Variants in DENND4B observed in about 807,000 individuals in gnomAD.
DENND4B encodes the protein DENN domain-containing protein 4B.
A neutral mutation model predicts 161.0 loss-of-function variants in DENND4B; 67 were observed. The ratio of observed to expected loss-of-function variants is 0.42; its 90% confidence interval spans 0.34 to 0.51. DENND4B has a LOEUF of 0.51. DENND4B is among the 20% of genes least tolerant of loss of function. The pLI is 0.08. For synonymous variants in DENND4B, 753 were observed against 813.8 expected (o/e 0.93, Z 1.27); for missense variants, 1,481 against 1,968.0 (o/e 0.75, Z 4.68).
rs1448585774 is a variant in DENND4B, at chr1:153,932,356, T to C, written c.3844A>G (p.Asn1282Asp). The change falls in exon 24 of 28, where the codon AAC becomes GAC. Residue 1282 changes from asparagine to aspartate, a missense_variant. By Grantham distance (23) the Asn-to-Asp change is conservative (BLOSUM62 1). This residue lies in a region of DENND4B where 336 missense variants were observed against 503.3 expected (regional missense o/e 0.67). Coordinates refer to ENST00000361217, the MANE Select transcript of DENND4B (RefSeq NM_014856.3). The surrounding 1 kb of genome is among the most constrained non-coding windows in gnomAD (Gnocchi z 5.8). ...LRKELESLVENEGSEVLALPE... is the reference protein window; with the variant it reads ...LRKELESLVEDEGSEVLALPE... ...AACGCCAGCACCTCACTGCCCTCGT[T>C]CTCTACCAGCGACTCCAGCTCCTTA... 1 of 1,613,892 alleles carries C rather than the reference T, an allele frequency of 6.2e-7. No homozygotes were observed. The highest frequency in any genetic ancestry group is 1.7e-5 in the Admixed American group (1 of 60,010).
chr1:153,941,720 C>T (rs779514593), intron 6 of DENND4B, 149 bp downstream of exon 6: 5 of 1,388,484 alleles, frequency 3.6e-6, no homozygotes, highest in Non-Finnish European at 4.8e-6. Flanking sequence ...GGCGTTTTTA[C>T]AGTGGATAAA....
Position 153,937,900 on chromosome 1 carries a change from G to A in DENND4B, c.1966-37C>T. The A allele has an allele frequency of 6.2e-7, 1 of 1,613,644 alleles. No individual in the cohort carries two copies. The highest frequency in any genetic ancestry group is 1.3e-5 in the African/African-American group (1 of 75,050). ...TTTTAAGAGAGCAAGTGTTGAGATG[G>A]TGGGCATGGAGCAGAGCCAGGGTGT... On this transcript the variant is annotated intron_variant, in intron 13 of 27. Transcript: ENST00000361217. The surrounding 1 kb of genome is among the most constrained non-coding windows in gnomAD (Gnocchi z 4.7).
At position 153,942,977 on chromosome 1, in the gene DENND4B, A is replaced by G. The variant is rs749278733; in HGVS notation, c.471T>C (p.His157=). Residue 157 remains histidine, a synonymous_variant, in exon 3 of 28, where the codon CAT becomes CAC. Transcript: ENST00000361217. The surrounding 1 kb of genome is among the most constrained non-coding windows in gnomAD (Gnocchi z 6.9). ...YRRAAEGAGL[H]ALGITDLCLV... is the part of the protein sequence containing the mutation. ...GGCAGAGGTCAGTGATGCCCAGGGCATGCAGCCCTGCCCCCTCTGCTGCCC... is the reference window on the plus strand; with the variant it reads ...GGCAGAGGTCAGTGATGCCCAGGGCGTGCAGCCCTGCCCCCTCTGCTGCCC... 1 of 1,613,952 alleles carries G rather than the reference A, an allele frequency of 6.2e-7. No individual in the cohort carries two copies. Among genetic ancestry groups the G allele is most frequent in the Non-Finnish European group, 8.5e-7 (1 of 1,179,866 alleles).
intron 17 of DENND4B, chr1:153,935,303 T>C: frequency 3.3e-6 from 1 of 307,624 alleles, no homozygotes; most frequent in Non-Finnish European, 6.1e-6. Flanking sequence ...GTATCATGGC[T>C]AAGGGCCTGA....
intron 2 of DENND4B, 145 bp from the exon 3 acceptor site, chr1:153,943,275 T>G: frequency 8.5e-7 from 1 of 1,171,636 alleles, no homozygotes; most frequent in Non-Finnish European, 1.2e-6. Flanking sequence ...CACCTCTTCT[T>G]GCTGAACTCT....
intron 6 of DENND4B, 97 bp downstream of exon 6, chr1:153,941,772 C>CCGGGGGGGGGGG: frequency 2.0e-6 from 3 of 1,464,444 alleles, no homozygotes; most frequent in Non-Finnish European, 2.8e-6. Context: ...TACCCTGTGC[C>CCGGGGGGGGGGG]CAGCCCTCCC....
chr1:153,936,243 G>A lies in DENND4B; in HGVS notation c.2440-55C>T. On this transcript the variant is annotated intron_variant, in intron 16 of 27. Coordinates refer to ENST00000361217, the MANE Select transcript of DENND4B (RefSeq NM_014856.3). This position sits in a 1 kb window ranked among gnomAD's most constrained non-coding sequence, Gnocchi z 4.1. ...AGACTCACTCTCAACCAAAACCAAA[G>A]TCTCAGCAAGCACCCTCTTCCTGCC... 6.4e-7 allele frequency: 1 copy of A among 1,557,348 alleles called. No homozygotes were observed. Among genetic ancestry groups the A allele is most frequent in the Non-Finnish European group, 8.7e-7 (1 of 1,149,236 alleles).
Position 153,939,573 on chromosome 1 carries a change from G to T in DENND4B, c.1819+16C>A. 6.3e-7 allele frequency: 1 copy of T among 1,588,690 alleles called. No individual in the cohort carries two copies. Among genetic ancestry groups the T allele is most frequent in the South Asian group, 1.1e-5 (1 of 89,012 alleles). On this transcript the variant is annotated intron_variant, in intron 12 of 27. Transcript: ENST00000361217. The stretch of plus-strand genomic sequence containing the variant: ...CTCCCATGATACATCTCCAAGCAGA[G>T]ACAGGCCCTCTATACCCTGCAGGAA...
chr1:153,929,649 T>G lies in DENND4B; in HGVS notation c.*648A>C, dbSNP rs1330678880. 6.6e-6 allele frequency: 1 copy of G among 152,138 alleles called. No homozygotes were observed. Among genetic ancestry groups the G allele is most frequent in the Non-Finnish European group, 1.5e-5 (1 of 68,076 alleles). The allele number at this position is 152,138 out of a possible 1,614,324, so 9.4% of individuals were successfully genotyped here. A position where few individuals can be genotyped will look rare whatever the true frequency, so the allele number is the denominator to read the frequency against. ...AATTAGGACTGGAGGGGGCACCAGTTCTTCCTAAGGGGAGCTTGAGACTCC... is the reference window on the plus strand; with the variant it reads ...AATTAGGACTGGAGGGGGCACCAGTGCTTCCTAAGGGGAGCTTGAGACTCC... On this transcript the variant is annotated 3_prime_UTR_variant, in exon 28 of 28. Transcript: ENST00000361217.
chr1:153,935,446 A>G (rs1157674038), intron 17 of DENND4B, among the ~76,000 whole-genome samples: 1 of 152,178 alleles, frequency 6.6e-6, no homozygotes, highest in Non-Finnish European at 1.5e-5. Flanking sequence ...TCCCGGGTTC[A>G]AGTGATTCTC....
rs56323703 is a variant in DENND4B at position 153,939,443 on chromosome 1, T to G, written c.1819+146A>C. ...CCCAAGACCAGAAGAGTTAAATGGC[T>G]CAAAGCGGGTGCCCATAAAAACATT... On this transcript the variant is annotated intron_variant, in intron 12 of 27. Coordinates refer to ENST00000361217, the MANE Select transcript of DENND4B (RefSeq NM_014856.3). 2.8e-3 allele frequency: 2,474 copies of G among 885,022 alleles called. 4 individuals are homozygous for G. The highest frequency in any genetic ancestry group is 3.8e-3 in the Non-Finnish European group (2,225 of 589,178). 54.8% of individuals were successfully genotyped at this position (885,022 alleles called of 1,614,324 possible).
rs1679213379 is a variant in DENND4B, at chr1:153,934,672, C to T, written c.2773+88G>A. 3.3e-6 allele frequency: 5 copies of T among 1,519,832 alleles called. No homozygotes were observed. The East Asian group carries it at 1.2e-4, about 37-fold the overall frequency. The allele number at this position is 1,519,832 out of a possible 1,614,324, so 94.1% of individuals were successfully genotyped here. A position where few individuals can be genotyped will look rare whatever the true frequency, so the allele number is the denominator to read the frequency against. On this transcript the variant is annotated intron_variant, in intron 18 of 27. Coordinates refer to ENST00000361217, the MANE Select transcript of DENND4B (RefSeq NM_014856.3). This position sits in a 1 kb window ranked among gnomAD's most constrained non-coding sequence, Gnocchi z 5.3. ...TCAATCCCCAGAAACCCAATGCCAA[C>T]CATTAGACCAGCCCCAACTCTCTAT...
chr1:153,944,359 G>T lies in DENND4B; in HGVS notation c.16C>A (p.Pro6Thr), dbSNP rs1316662586. 1.2e-6 allele frequency: 2 copies of T among 1,606,556 alleles called. No homozygotes were observed. The highest frequency in any genetic ancestry group is 1.7e-6 in the Non-Finnish European group (2 of 1,176,788). The change falls in exon 2 of 28, where the codon CCC becomes ACC. Residue 6 changes from proline (P) to threonine (T), a missense_variant. This residue lies in a region of DENND4B where 806 missense variants were observed against 1,134.4 expected (regional missense o/e 0.71). Transcript: ENST00000361217. The surrounding 1 kb of genome is among the most constrained non-coding windows in gnomAD (Gnocchi z 4.8). MAEER[P>T]PRLVDYFVVA... ...ACGAAGTAATCCACCAGCCGGGGGG[G>T]CCGCTCCTCCGCCATGGCCCCCCCC...
intron 17 of DENND4B, chr1:153,935,273 A>G (rs973379526): frequency 7.8e-6 from 3 of 384,322 alleles, no homozygotes; most frequent in Admixed American, 8.4e-5. Flanking sequence ...CTCCTCATCT[A>G]AAAAACAGGA....
rs554186325 is a variant in DENND4B at position 153,935,900 on chromosome 1, G to A, written c.2568+160C>T. On this transcript the variant is annotated intron_variant, in intron 17 of 27. Coordinates refer to ENST00000361217, the MANE Select transcript of DENND4B (RefSeq NM_014856.3). ...AAGCAGCCTCGTCTGAGAAACTGTA[G>A]GTGCTAAGGCACCACAGGAGTGCAA... is the stretch of plus-strand genomic sequence containing the variant. 3 of 847,586 alleles carry A rather than the reference G, an allele frequency of 3.5e-6. No individual in the cohort carries two copies. In the Admixed American group the frequency reaches 8.6e-5, roughly 24 times the overall value. 52.5% of individuals were successfully genotyped at this position (847,586 alleles called of 1,614,324 possible). A position where few individuals can be genotyped will look rare whatever the true frequency, so the allele number is the denominator to read the frequency against.
At position 153,944,530 on chromosome 1, in the gene DENND4B, A is replaced by C; in HGVS notation, c.-23-133T>G. 1 of 881,832 alleles carries C rather than the reference A, an allele frequency of 1.1e-6. No individual in the cohort carries two copies. 54.6% of individuals were successfully genotyped at this position (881,832 alleles called of 1,614,324 possible). A position where few individuals can be genotyped will look rare whatever the true frequency, so the allele number is the denominator to read the frequency against. On this transcript the variant is annotated intron_variant, in intron 1 of 27. Transcript: ENST00000361217. The surrounding 1 kb of genome is among the most constrained non-coding windows in gnomAD (Gnocchi z 4.8). ...CAGGATAAGGGGTCGGCCAATCCTG[A>C]ACTCTTCCCCCTGTGACATCACTGC...
At position 153,942,728 on chromosome 1, in the gene DENND4B, T is replaced by G. The variant is rs532402600; in HGVS notation, c.571-103A>C. 1 of 1,471,164 alleles carries G rather than the reference T, an allele frequency of 6.8e-7. No individual in the cohort carries two copies. Among genetic ancestry groups the G allele is most frequent in the African/African-American group, 1.4e-5 (1 of 70,482 alleles). 91.1% of individuals were successfully genotyped at this position (1,471,164 alleles called of 1,614,324 possible). A position where few individuals can be genotyped will look rare whatever the true frequency, so the allele number is the denominator to read the frequency against. ...CTAAATGTTCTTTTGTCTTTAAAGC[T>G]CCCATTAATCCCAGTGCCCCAAGAC... On this transcript the variant is annotated intron_variant, in intron 3 of 27. Coordinates refer to ENST00000361217, the MANE Select transcript of DENND4B (RefSeq NM_014856.3). The surrounding 1 kb of genome is among the most constrained non-coding windows in gnomAD (Gnocchi z 6.9).
Position 153,930,456 on chromosome 1 carries a change from T to A in DENND4B, c.4346-14A>T. ...TATCGAAGGCCACTAGGGAAGAAGG[T>A]GGAAGTCAACATGTTAGGACCGCAG... On this transcript the variant is annotated splice_polypyrimidine_tract_variant and intron_variant, in intron 27 of 27. Coordinates refer to ENST00000361217, the MANE Select transcript of DENND4B (RefSeq NM_014856.3). This position sits in a 1 kb window ranked among gnomAD's most constrained non-coding sequence, Gnocchi z 4.7. 1 of 1,613,780 alleles carries A rather than the reference T, an allele frequency of 6.2e-7. No homozygotes were observed. The highest frequency in any genetic ancestry group is 8.5e-7 in the Non-Finnish European group (1 of 1,179,768).
chr1:153,946,265 C>T lies in DENND4B; in HGVS notation c.-24+36G>A. 2.9e-6 allele frequency: 1 copy of T among 340,510 alleles called. No homozygotes were observed. The highest frequency in any genetic ancestry group is 5.3e-6 in the Non-Finnish European group (1 of 188,718). The allele number at this position is 340,510 out of a possible 1,614,324, so 21.1% of individuals were successfully genotyped here. On this transcript the variant is annotated intron_variant, in intron 1 of 27. Transcript: ENST00000361217. The surrounding 1 kb of genome is among the most constrained non-coding windows in gnomAD (Gnocchi z 6.3). ...CGCCCGCGCTCCCTCCTGCCCGTCC[C>T]CGCCTGCCGCCCAGCCCGGTCCAGC...
Sources: allele counts gnomAD v4.1 joint callset (sites outside exome capture counted in the v4.1 genomes callset), GRCh38; gene constraint gnomAD v4.1.1; regional missense constraint gnomAD v4.1.1; non-coding constraint Gnocchi (gnomAD v3.1); transcripts MANE v1.5; gene names NCBI Gene and HGNC (gene_info 2026-07-23, HGNC 2026-07-21).